The following MACROD2 variants were observed in gnomAD, a reference collection of about 807,000 sequenced individuals.
MACROD2 encodes the protein ADP-ribose glycohydrolase MACROD2.
MACROD2 carries 36 observed loss-of-function variants against 70.4 expected under a neutral mutation model. That is an observed-to-expected ratio of 0.51 (90% CI 0.39 to 0.68). The LOEUF (loss-of-function observed/expected upper bound fraction) is 0.68, where lower values mean the gene tolerates loss of function less well. Ranked by LOEUF, MACROD2 falls within the 30% of genes least tolerant of loss-of-function variation. The probability of loss-of-function intolerance (pLI) is 0.00; values close to 1 mark genes in which losing one functional copy is unlikely to be tolerated. For synonymous variants in MACROD2, 172 were observed against 178.8 expected, an observed-to-expected ratio of 0.96 and a Z score of 0.30; for missense variants, 496 against 538.4, an observed-to-expected ratio of 0.92 and a Z score of 0.78.
chr20:14,283,400 A>G (rs774177663), intron 3 of MACROD2, among the ~76,000 whole-genome samples: 5 of 152,140 alleles, frequency 3.3e-5, no homozygotes, highest in Admixed American at 2.6e-4. Context: ...AATATGGTAT[A>G]AAAAATGGAA....
At chr20:15,573,658 G>A (rs1359021033) in intron 8 of MACROD2, among the ~76,000 whole-genome samples, 6 of 152,096 alleles carry the variant, frequency 3.9e-5, no homozygotes, top group Non-Finnish European at 8.8e-5. Flanking sequence ...TTTTACCTAA[G>A]CCATACTCCT....
chr20:14,386,846 T>G (rs763171058), intron 3 of MACROD2, among the ~76,000 whole-genome samples: 4 of 152,182 alleles, frequency 2.6e-5, no homozygotes, highest in Non-Finnish European at 5.9e-5. Flanking sequence ...TTTCTCTGTC[T>G]CCTTTGCTTC....
chr20:14,251,105 A>T (rs920516431), intron 3 of MACROD2, among the ~76,000 whole-genome samples: 4 of 152,170 alleles, frequency 2.6e-5, no homozygotes, highest in Non-Finnish European at 4.4e-5. Context: ...GTGACAGATG[A>T]ATTCGAATGT....
chr20:15,520,616 T>C (rs761398467), intron 8 of MACROD2, among the ~76,000 whole-genome samples: 8 of 152,186 alleles, frequency 5.3e-5, no homozygotes, highest in Non-Finnish European at 1.2e-4. Context: ...CAATTAATCC[T>C]GTGGAAAGCT....
At chr20:14,418,221 T>C (rs2083833110) in intron 3 of MACROD2, among the ~76,000 whole-genome samples, 1 of 152,220 alleles carries the variant, frequency 6.6e-6, no homozygotes, top group Admixed American at 6.5e-5. Flanking sequence ...CAGATACTTA[T>C]TTAAAAATTA....
At chr20:14,423,049 CCTT>C (rs1391633213) in intron 3 of MACROD2, among the ~76,000 whole-genome samples, 2 of 152,132 alleles carry the variant, frequency 1.3e-5, no homozygotes, top group African/African-American at 2.4e-5. Context: ...TTGCTTCAGT[CCTT>C]CTTGTATCCC....
At chr20:14,076,756 T>TA (rs1158759824) in intron 2 of MACROD2, among the ~76,000 whole-genome samples, 1 of 151,972 alleles carries the variant, frequency 6.6e-6, no homozygotes, top group Non-Finnish European at 1.5e-5. Context: ...ATTGGTTTAA[T>TA]AAAAATGGGT....
At chr20:15,936,920 C>T (rs1323391002) in intron 11 of MACROD2, among the ~76,000 whole-genome samples, 2 of 152,082 alleles carry the variant, frequency 1.3e-5, no homozygotes, top group East Asian at 3.9e-4. Flanking sequence ...CCCCATTTTC[C>T]CATTCTGTTC....
At chr20:14,151,908 G>GC (rs1452149438) in intron 3 of MACROD2, among the ~76,000 whole-genome samples, 1 of 131,804 alleles carries the variant, frequency 7.6e-6, no homozygotes, top group African/African-American at 2.9e-5. Flanking sequence ...TGCAAGCTCT[G>GC]CCCCCCGGGT....
chr20:15,319,847 G>A (rs990218941), intron 6 of MACROD2, among the ~76,000 whole-genome samples: 7 of 152,188 alleles, frequency 4.6e-5, no homozygotes, highest in Admixed American at 2.0e-4. Flanking sequence ...AGTGAATGAA[G>A]CCAGACACAA....
chr20:14,488,271 G>C (rs1485790634), intron 3 of MACROD2, among the ~76,000 whole-genome samples: 1 of 152,096 alleles, frequency 6.6e-6, no homozygotes, highest in Non-Finnish European at 1.5e-5. Flanking sequence ...AGATATGCTT[G>C]TTCACTCTTG....
chr20:15,018,637 A>G (rs575455900), intron 5 of MACROD2, among the ~76,000 whole-genome samples: 2 of 152,286 alleles, frequency 1.3e-5, no homozygotes, highest in South Asian at 4.1e-4. Flanking sequence ...AGCTCTAAGC[A>G]CAGGTTTAGA....
rs1005692840 is a variant in MACROD2, at chr20:16,052,929, T to C, written c.*3053T>C. The C allele has an allele frequency of 6.6e-6, 1 of 152,618 alleles. No individual in the cohort carries two copies. Among genetic ancestry groups the C allele is most frequent in the Admixed American group, 6.5e-5 (1 of 15,280 alleles). 9.5% of individuals were successfully genotyped at this position (152,618 alleles called of 1,614,324 possible). A position where few individuals can be genotyped will look rare whatever the true frequency, so the allele number is the denominator to read the frequency against. ...AAAGGAAAATCAGAAAAAAAGTAAT[T>C]TTCTTGATCAAGATATGTTTTTACT... is the stretch of plus-strand genomic sequence containing the variant. On this transcript the variant is annotated 3_prime_UTR_variant, in exon 18 of 18. Transcript: ENST00000684519.
intron 5 of MACROD2, among the ~76,000 whole-genome samples, chr20:14,732,406 A>G (rs1307175585): frequency 2.6e-5 from 4 of 152,156 alleles, no homozygotes; most frequent in Non-Finnish European, 5.9e-5. Context: ...CTGTTGTTTT[A>G]GGATAGACAC....
intron 5 of MACROD2, among the ~76,000 whole-genome samples, chr20:15,155,322 A>C (rs150197809): frequency 8.5e-5 from 13 of 152,244 alleles, no homozygotes; most frequent in African/African-American, 2.4e-4. Context: ...GTTTGCTCTC[A>C]TCTGGCCCTT....
At chr20:15,790,921 A>G (rs757767289) in intron 8 of MACROD2, among the ~76,000 whole-genome samples, 1 of 151,896 alleles carries the variant, frequency 6.6e-6, no homozygotes, top group Non-Finnish European at 1.5e-5. Flanking sequence ...TATTTGGATG[A>G]GTTTTATAAA....
intron 3 of MACROD2, among the ~76,000 whole-genome samples, chr20:14,331,591 T>G (rs562881640): frequency 6.6e-6 from 1 of 152,130 alleles, no homozygotes; most frequent in Non-Finnish European, 1.5e-5. Flanking sequence ...AAGATTACGT[T>G]CAGAGCTACT....
chr20:15,192,388 A>T (rs1006050945), intron 5 of MACROD2, among the ~76,000 whole-genome samples: 1 of 152,206 alleles, frequency 6.6e-6, no homozygotes, highest in Non-Finnish European at 1.5e-5. Flanking sequence ...AAATCTTTCA[A>T]ATCAAACTGT....
chr20:15,898,751 G>T (rs1238313233), intron 10 of MACROD2, among the ~76,000 whole-genome samples: 1 of 151,898 alleles, frequency 6.6e-6, no homozygotes, highest in East Asian at 1.9e-4. Flanking sequence ...TTCAGTGCCT[G>T]CTTAGAACTC....
Sources: gnomAD v4.1 joint callset for allele counts (sites outside exome capture counted in the v4.1 genomes callset) on GRCh38, gnomAD v4.1.1 for gene constraint, MANE v1.5 for transcripts, NCBI Gene and HGNC (gene_info 2026-07-23, HGNC 2026-07-21) for gene names.